Variants in NFRKB observed in about 807,000 individuals in gnomAD.
NFRKB encodes the protein nuclear factor related to kappa-B-binding protein.
NFRKB carries 62 observed loss-of-function variants against 135.7 expected under a neutral mutation model. That is an observed-to-expected ratio of 0.46 (90% CI 0.37 to 0.56). The LOEUF is 0.56. Among genes scored for constraint, NFRKB ranks in the 20% least tolerant of loss-of-function variants. The pLI is 0.00. For missense variants in NFRKB, 1,545 were observed against 1,662.0 expected (o/e 0.93, Z 1.22); for synonymous variants, 678 against 635.6 (o/e 1.07, Z -1.00).
intron 3 of NFRKB, among the ~76,000 whole-genome samples, chr11:129,891,306 A>C (rs773723197): frequency 6.6e-6 from 1 of 152,222 alleles, no homozygotes; most frequent in African/African-American, 2.4e-5. Context: ...ATCTAAAATA[A>C]GCCCTGGCAG....
Position 129,889,041 on chromosome 11 carries a change from C to T in NFRKB, c.136-246G>A, listed in dbSNP as rs138793571. Among the ~76,000 whole-genome samples the T allele has an allele frequency of 7.9e-5, 12 of 151,750 alleles. No individual in the cohort carries two copies. The East Asian group carries it at 9.7e-4, about 12-fold the overall frequency. ...TTGCCCAGGCTGGAGTGCAATGGCA[C>T]GATCTCTGCTCCCAGACTCAAGCGA... On this transcript the variant is annotated intron_variant, in intron 3 of 26. Transcript: ENST00000682444.
intron 12 of NFRKB, 53 bp from the exon 13 acceptor site, chr11:129,881,561 G>C: frequency 6.2e-7 from 1 of 1,608,938 alleles, no homozygotes. Context: ...CCTGAGCTCC[G>C]AAACAGCTTT....
chr11:129,884,049 C>T (rs541130769), intron 8 of NFRKB, 21 bp downstream of exon 8: 180 of 1,613,730 alleles, frequency 1.1e-4, no homozygotes, highest in Admixed American at 9.2e-4. Flanking sequence ...ACCACACGGC[C>T]GCACGCCCTT....
chr11:129,873,897 C>A lies in NFRKB; in HGVS notation c.2398G>T (p.Ala800Ser). Residue 800 changes from alanine to serine, a missense_variant, in exon 22 of 27, where the codon GCT becomes TCT. This residue lies in a region of NFRKB where 753 missense variants were observed against 804.3 expected (regional missense o/e 0.94). Transcript: ENST00000682444. ...ACCACTCGCACCTGAGACAGTCCAG[C>A]AGAGCCAGAGTGGCTCACGACCCGG... ...AARVVSHSGS[A>S]GLSQVRVVAQ... 3.7e-6 allele frequency: 6 copies of A among 1,613,994 alleles called. No individual in the cohort carries two copies. The highest frequency in any genetic ancestry group is 5.1e-6 in the Non-Finnish European group (6 of 1,180,042).
At chr11:129,870,308 C>T (rs753394264) in intron 23 of NFRKB, 47 bp from the exon 24 acceptor site, 16 of 1,560,762 alleles carry the variant, frequency 1.0e-5, no homozygotes, top group South Asian at 9.5e-5. Flanking sequence ...AATAGTAAAC[C>T]GGTTACAAAA....
At chr11:129,893,324 G>A (rs780126219) in intron 2 of NFRKB, 19 of 446,242 alleles carry the variant, frequency 4.3e-5, no homozygotes, top group Middle Eastern at 4.8e-4. Flanking sequence ...AGGTCCAGGC[G>A]GGCAGTCCCC....
intron 1 of NFRKB, among the ~76,000 whole-genome samples, chr11:129,894,882 C>G (rs1465036261): frequency 6.6e-6 from 1 of 152,258 alleles, no homozygotes; most frequent in Non-Finnish European, 1.5e-5. Flanking sequence ...AAGTCAGTGT[C>G]CTACCTGCCT....
Position 129,888,665 on chromosome 11 carries a change from A to G in NFRKB, c.266T>C (p.Ile89Thr). The G allele has an allele frequency of 6.2e-7, 1 of 1,614,212 alleles. No homozygotes were observed. The highest frequency in any genetic ancestry group is 8.5e-7 in the Non-Finnish European group (1 of 1,180,034). Residue 89 changes from isoleucine to threonine, a missense_variant, in exon 4 of 27, where the codon ATC becomes ACC. Coordinates refer to ENST00000682444, the MANE Select transcript of NFRKB (RefSeq NM_001143835.2). ...EDSAEQQNEL[I>T]LALFSGENFR... is the part of the protein sequence containing the mutation. ...GTTCTCCCCACTGAACAAGGCTAAG[A>G]TGAGTTCATTCTGCTGCTCAGCACT...
At chr11:129,881,374 G>C in intron 13 of NFRKB, 69 bp downstream of exon 13, 1 of 1,484,022 alleles carries the variant, frequency 6.7e-7, no homozygotes, top group Non-Finnish European at 9.4e-7. Flanking sequence ...TTGACTGGAA[G>C]GCAAATAAAC....
Position 129,876,766 on chromosome 11 carries a change from G to C in NFRKB, c.1702C>G (p.Leu568Val), listed in dbSNP as rs761517588. The C allele has an allele frequency of 3.7e-6, 6 of 1,614,186 alleles. No homozygotes were observed. Among genetic ancestry groups the C allele is most frequent in the Non-Finnish European group, 5.1e-6 (6 of 1,180,018 alleles). ...TSLNKAREHS[L>V]LRSDRPAYVT... is the part of the protein sequence containing the mutation. The stretch of plus-strand genomic sequence containing the variant: ...TAGGCAGGCCGGTCGGAGCGCAGCA[G>C]GGAGTGCTCCCGAGCCTTGTTGAGC... The change falls in exon 17 of 27, where the codon CTG becomes GTG. Residue 568 changes from leucine (L) to valine (V), a missense_variant. Coordinates refer to ENST00000682444, the MANE Select transcript of NFRKB (RefSeq NM_001143835.2).
At chr11:129,865,802 G>T in intron 25 of NFRKB, 75 bp downstream of exon 25, 1 of 1,330,454 alleles carries the variant, frequency 7.5e-7, no homozygotes, top group East Asian at 2.3e-5. Context: ...TTTGCCACTC[G>T]GTGACAAGGA....
chr11:129,882,154 T>C lies in NFRKB; in HGVS notation c.1123A>G (p.Ile375Val), dbSNP rs770594568. The C allele has an allele frequency of 1.2e-6, 2 of 1,613,498 alleles. No individual in the cohort carries two copies. Among genetic ancestry groups the C allele is most frequent in the South Asian group, 2.2e-5 (2 of 90,928 alleles). The stretch of plus-strand genomic sequence containing the variant: ...AGAAGAGAGAAGAAGCTGGAAGATA[T>C]TTCATTGATTCCAAGGCAAGGCTTG... ...DLKPCLGINEISSSFFSLLLE... is the reference protein window; with the variant it reads ...DLKPCLGINEVSSSFFSLLLE... The change falls in exon 11 of 27, where the codon ATA becomes GTA. Residue 375 changes from isoleucine to valine, a missense_variant. Transcript: ENST00000682444.
At position 129,865,919 on chromosome 11, in the gene NFRKB, C is replaced by T; in HGVS notation, c.3596G>A (p.Ser1199Asn). 6.2e-7 allele frequency: 1 copy of T among 1,613,970 alleles called. No homozygotes were observed. Among genetic ancestry groups the T allele is most frequent in the East Asian group, 2.2e-5 (1 of 44,866 alleles). ...SVISQPMKGK[S>N]VVTAPIIKGN... ...TTTGATGATGGGGGCTGTGACCACG[C>T]TCTTGCCCTTCATTGGCTGGCTGAT... is the stretch of plus-strand genomic sequence containing the variant. Residue 1199 changes from serine (S) to asparagine (N), a missense_variant, in exon 25 of 27, where the codon AGC becomes AAC. Coordinates refer to ENST00000682444, the MANE Select transcript of NFRKB (RefSeq NM_001143835.2).
chr11:129,866,056 T>A, intron 24 of NFRKB, 73 bp from the exon 25 acceptor site: 1 of 1,283,094 alleles, frequency 7.8e-7, no homozygotes, highest in Non-Finnish European at 1.1e-6. Context: ...CTCCAGGGCA[T>A]CAGGAACTGA....
rs1196266151 is a variant in NFRKB at position 129,883,155 on chromosome 11, G to A, written c.868C>T (p.Arg290Ter). The stretch of plus-strand genomic sequence containing the variant: ...GAGCCCTTCCTGCCAGCATTTACTC[G>A]AGTCATGATGTCATTGAGAGTCAGG... Reference protein sequence around the residue: ...GDLTLNDIMTRVNAGRKGSLA... With the variant: ...GDLTLNDIMT Residue 290 changes from arginine (R) to a stop codon, truncating the protein, a stop_gained, in exon 9 of 27, where the codon CGA becomes TGA. Coordinates refer to ENST00000682444, the MANE Select transcript of NFRKB (RefSeq NM_001143835.2). LOFTEE classifies it high-confidence loss of function. 6.2e-6 allele frequency: 10 copies of A among 1,613,910 alleles called. No individual in the cohort carries two copies. The highest frequency in any genetic ancestry group is 1.1e-5 in the South Asian group (1 of 91,076).
chr11:129,893,197 C>A, intron 2 of NFRKB: 1 of 698,028 alleles, frequency 1.4e-6, no homozygotes, highest in Non-Finnish European at 2.1e-6. Flanking sequence ...ATTTACACTT[C>A]CCAGACCAAT....
Position 129,864,603 on chromosome 11 carries a change from C to T in NFRKB, c.*122G>A. On this transcript the variant is annotated 3_prime_UTR_variant, in exon 27 of 27. Transcript: ENST00000682444. Reference sequence around the variant, plus strand: ...GGCCACGAATCCAGGCCACCGTTGCCATCACCCCTCGCCTGGCTGCCTTGA... The same window carrying T: ...GGCCACGAATCCAGGCCACCGTTGCTATCACCCCTCGCCTGGCTGCCTTGA... 2 of 1,394,090 alleles carry T rather than the reference C, an allele frequency of 1.4e-6. No homozygotes were observed. Among genetic ancestry groups the T allele is most frequent in the South Asian group, 2.6e-5 (2 of 75,940 alleles). 86.4% of individuals were successfully genotyped at this position (1,394,090 alleles called of 1,614,324 possible). A position where few individuals can be genotyped will look rare whatever the true frequency, so the allele number is the denominator to read the frequency against.
At position 129,864,689 on chromosome 11, in the gene NFRKB, G is replaced by A. The variant is rs558055114; in HGVS notation, c.*36C>T. On this transcript the variant is annotated 3_prime_UTR_variant, in exon 27 of 27. Coordinates refer to ENST00000682444, the MANE Select transcript of NFRKB (RefSeq NM_001143835.2). ...GTCCCTTCTCAGCCAGGACAGACCAGGCATGGTCTTTCACGGAAGCCATCC... is the reference window on the plus strand; with the variant it reads ...GTCCCTTCTCAGCCAGGACAGACCAAGCATGGTCTTTCACGGAAGCCATCC... 2.5e-6 allele frequency: 4 copies of A among 1,613,454 alleles called. No homozygotes were observed. Among genetic ancestry groups the A allele is most frequent in the East Asian group, 2.2e-5 (1 of 44,880 alleles).
At chr11:129,886,241 T>C (rs760764587) in intron 5 of NFRKB, 76 bp downstream of exon 5, 21 of 1,527,400 alleles carry the variant, frequency 1.4e-5, no homozygotes, top group Non-Finnish European at 1.8e-5. Context: ...TTTTGTGTTT[T>C]GCACCTGAAT....
Sources: allele counts gnomAD v4.1 joint callset (sites outside exome capture counted in the v4.1 genomes callset), GRCh38; gene constraint gnomAD v4.1.1; regional missense constraint gnomAD v4.1.1; transcripts MANE v1.5; gene names NCBI Gene and HGNC (gene_info 2026-07-23, HGNC 2026-07-21).